The following ARMCX4 variants were observed in gnomAD, a reference collection of about 807,000 sequenced individuals.
ARMCX4 encodes the protein armadillo repeat containing X-linked 4.
In ARMCX4, 3 loss-of-function variants were observed where a neutral mutation model predicts 34.7. The observed-to-expected ratio is 0.09, with a 90% CI of 0.04 to 0.22. The LOEUF is 0.22. Ranked by LOEUF, ARMCX4 falls within the 10% of genes least tolerant of loss-of-function variation. ARMCX4 has a pLI of 1.00. For synonymous variants in ARMCX4, 513 were observed against 632.8 expected, an observed-to-expected ratio of 0.81 and a Z score of 2.84; for missense variants, 1,448 against 1,720.8, an observed-to-expected ratio of 0.84 and a Z score of 2.81.
At chrX:101,529,122 G>A (rs895208524) in intron 11 of ARMCX4, among the ~76,000 whole-genome samples, 22 of 111,432 alleles carry the variant, frequency 2.0e-4, no homozygotes, top group African/African-American at 6.5e-4. Context: ...CATGGTACTC[G>A]TACCAAAACA....
intron 3 of ARMCX4, 115 bp downstream of exon 3, chrX:101,487,387 C>T: frequency 5.1e-6 from 1 of 195,044 alleles, no homozygotes; most frequent in East Asian, 1.4e-4. Flanking sequence ...GCTGCCATGC[C>T]TCCTGTGGAT....
rs998808090 is a variant in ARMCX4 at position 101,491,289 on chromosome X, C to G, written c.2700C>G (p.Ala900=). 8.8e-6 allele frequency: 10 copies of G among 1,138,314 alleles called. No individual in the cohort carries two copies. Among genetic ancestry groups the G allele is most frequent in the Non-Finnish European group, 1.2e-5 (10 of 866,216 alleles). 93.8% of individuals were successfully genotyped at this position (1,138,314 alleles called of 1,213,427 possible). Residue 900 remains alanine, a synonymous_variant, in exon 6 of 6, where the codon GCC becomes GCG. Transcript: ENST00000423738. ...CCAATGTTGTGTCTAAGGCAGGGGC[C>G]AGAGAAGATACAATGGGCTCTGCCC... ...GNSNVVSKAG[A]REDTMGSAQP...
At chrX:101,447,315 T>A (rs1216548313), downstream of ARMCX4, among the ~76,000 whole-genome samples, 2 of 112,599 alleles carry the variant, frequency 1.8e-5, no homozygotes, top group Non-Finnish European at 3.7e-5. Context: ...GTGGACATCT[T>A]TTTAAATCAC....
downstream of ARMCX4, among the ~76,000 whole-genome samples, chrX:101,496,624 T>C (rs1301206176): frequency 9.0e-6 from 1 of 111,663 alleles, no homozygotes; most frequent in Non-Finnish European, 1.9e-5. Context: ...GAAAGTATAC[T>C]AGAAGAAAGA....
intron 2 of ARMCX4, among the ~76,000 whole-genome samples, chrX:101,420,980 C>T (rs782163375): frequency 9.0e-6 from 1 of 111,461 alleles, no homozygotes; most frequent in East Asian, 2.8e-4. Context: ...GGTGGATCAC[C>T]TGAGGTCGGG....
intron 4 of ARMCX4, among the ~76,000 whole-genome samples, chrX:101,471,469 C>T (rs1044920646): frequency 1.8e-5 from 2 of 112,198 alleles, no homozygotes; most frequent in Admixed American, 9.5e-5. Context: ...GCTAGGAACA[C>T]GGAAGAGGTA....
At chrX:101,468,352 G>A (rs1458521687) in intron 4 of ARMCX4, among the ~76,000 whole-genome samples, 1 of 108,715 alleles carries the variant, frequency 9.2e-6, no homozygotes, top group Non-Finnish European at 1.9e-5. Flanking sequence ...GTGCAGTGGT[G>A]TGATCATGGC....
chrX:101,437,546 A>G (rs192635815), intron 2 of ARMCX4, among the ~76,000 whole-genome samples: 1,840 of 108,680 alleles, frequency 0.017, 42 homozygotes, highest in African/African-American at 0.058. Context: ...TTTTTTCTTT[A>G]TTAGTCTTGC....
chrX:101,440,815 C>T (rs111294407), intron 2 of ARMCX4, among the ~76,000 whole-genome samples: 5,538 of 111,514 alleles, frequency 0.05, 131 homozygotes, highest in South Asian at 0.092. Context: ...TTGCTAAGAC[C>T]GTTGGAAAAG....
chrX:101,447,164 G>A (rs1290023243), downstream of ARMCX4, among the ~76,000 whole-genome samples: 1 of 112,156 alleles, frequency 8.9e-6, no homozygotes, highest in Non-Finnish European at 1.9e-5. Context: ...AAAGGAGAAA[G>A]CTGTGATGTC....
chrX:101,504,638 C>T (rs981326665), intron 7 of ARMCX4, among the ~76,000 whole-genome samples: 4 of 110,859 alleles, frequency 3.6e-5, no homozygotes, highest in African/African-American at 1.3e-4. Flanking sequence ...CTGACTCTGG[C>T]CCCGGGTCCC....
intron 2 of ARMCX4, among the ~76,000 whole-genome samples, chrX:101,433,224 A>C: frequency 3.6e-5 from 1 of 27,441 alleles, no homozygotes; most frequent in South Asian, 1.6e-3. Flanking sequence ...ACATATATAC[A>C]TATATGTACA....
chrX:101,504,552 T>G (rs1019843273), intron 7 of ARMCX4, among the ~76,000 whole-genome samples: 1 of 110,577 alleles, frequency 9.0e-6, no homozygotes. Context: ...CCTGCCTAGT[T>G]ATGAGGCTAG....
At chrX:101,436,506 CT>C (rs1930785322) in intron 2 of ARMCX4, among the ~76,000 whole-genome samples, 1 of 111,421 alleles carries the variant, frequency 9.0e-6, no homozygotes, top group South Asian at 3.8e-4. Flanking sequence ...TATCCTGAGA[CT>C]TTGCTGAAGT....
chrX:101,527,352 A>T (rs782118679), intron 11 of ARMCX4, among the ~76,000 whole-genome samples: 1 of 112,276 alleles, frequency 8.9e-6, no homozygotes, highest in Admixed American at 9.5e-5. Flanking sequence ...TGAAATTTAT[A>T]GCACTAAATG....
chrX:101,459,742 G>A (rs1222298218), intron 4 of ARMCX4, among the ~76,000 whole-genome samples: 2 of 112,516 alleles, frequency 1.8e-5, no homozygotes, highest in East Asian at 5.6e-4. Context: ...TTACAATGCA[G>A]AAGTATCACC....
At chrX:101,462,629 ACT>A (rs1366024115) in intron 4 of ARMCX4, among the ~76,000 whole-genome samples, 1 of 97,181 alleles carries the variant, frequency 1.0e-5, no homozygotes, top group Non-Finnish European at 2.1e-5. Flanking sequence ...ACAGAGTGAG[ACT>A]CTGTCTCAAA....
In ARMCX4 at chrX:101,492,599, G is replaced by C. The variant is rs1214376070; in HGVS notation, c.4010G>C (p.Ser1337Thr). Residue 1337 changes from serine (S) to threonine (T), a missense_variant, in exon 6 of 6, where the codon AGT (serine) becomes ACT (threonine). Physicochemically the swap from Ser to Thr is moderately conservative, Grantham distance 58. This residue lies in a region of ARMCX4 where 1,343 missense variants were observed against 1,540.7 expected (regional missense o/e 0.87). Transcript: ENST00000423738. ...TGGGCTGGGGCTGGTGGCCAGGCTAGTGGAGGGTCAATGTTGGGGCCTGAG... is the reference window on the plus strand; with the variant it reads ...TGGGCTGGGGCTGGTGGCCAGGCTACTGGAGGGTCAATGTTGGGGCCTGAG... ...GSWAGAGGQA[S>T]GGSMLGPEDQ... 1 of 1,126,716 alleles carries C rather than the reference G, an allele frequency of 8.9e-7. No homozygotes were observed. The highest frequency in any genetic ancestry group is 1.2e-6 in the Non-Finnish European group (1 of 858,430). The allele number at this position is 1,126,716 out of a possible 1,213,427, so 92.9% of individuals were successfully genotyped here.
At chrX:101,467,522 T>C (rs1232041056) in intron 4 of ARMCX4, among the ~76,000 whole-genome samples, 1 of 111,777 alleles carries the variant, frequency 8.9e-6, no homozygotes, top group Non-Finnish European at 1.9e-5. Context: ...AGGAAAAAAA[T>C]CCCAACCAAA....
Sources: gnomAD v4.1 joint callset for allele counts (sites outside exome capture counted in the v4.1 genomes callset) on GRCh38, gnomAD v4.1.1 for gene constraint, gnomAD v4.1.1 regional missense constraint, MANE v1.5 for transcripts, NCBI Gene and HGNC (gene_info 2026-07-23, HGNC 2026-07-21) for gene names.